SPACA1: variants seen among roughly 807,000 people sequenced by gnomAD.
SPACA1 encodes the protein sperm acrosome membrane-associated protein 1.
In SPACA1, 17 loss-of-function variants were observed where a neutral mutation model predicts 32.6. The ratio of observed to expected loss-of-function variants is 0.52; its 90% CI spans 0.36 to 0.78. The LOEUF (loss-of-function observed/expected upper bound fraction) is 0.78. Among genes scored for constraint, SPACA1 ranks in the 30% least tolerant of loss-of-function variants. The pLI, the probability that SPACA1 is intolerant of heterozygous loss-of-function variation, is 0.01. For missense variants in SPACA1, 363 were observed against 373.4 expected, an observed-to-expected ratio of 0.97 and a Z score of 0.23; for synonymous variants, 140 against 138.1, an observed-to-expected ratio of 1.01 and a Z score of -0.10.
At chr6:88,057,817 A>T (rs1043913702) in intron 3 of SPACA1, 104 bp downstream of exon 3, 2 of 791,484 alleles carry the variant, frequency 2.5e-6, no homozygotes, top group Non-Finnish European at 4.4e-6. Flanking sequence ...CAACCAGTTG[A>T]CATACTCAAA....
intron 1 of SPACA1, among the ~76,000 whole-genome samples, chr6:88,052,061 T>C (rs1313324441): frequency 6.6e-6 from 1 of 152,202 alleles, no homozygotes; most frequent in African/African-American, 2.4e-5. Context: ...ACAAGAAATT[T>C]TGACAAATGC....
intron 4 of SPACA1, among the ~76,000 whole-genome samples, chr6:88,059,026 A>G (rs912237068): frequency 1.3e-5 from 2 of 152,254 alleles, no homozygotes; most frequent in Admixed American, 1.3e-4. Context: ...GGCCAGCTAT[A>G]ATCAGAACTT....
intron 4 of SPACA1, 98 bp from the exon 5 acceptor site, chr6:88,059,355 G>C: frequency 9.1e-7 from 1 of 1,093,476 alleles, no homozygotes; most frequent in Non-Finnish European, 1.3e-6. Flanking sequence ...TAGGCTAAGA[G>C]AGACAGTAAC....
At chr6:88,050,870 C>T (rs1775717071) in intron 1 of SPACA1, among the ~76,000 whole-genome samples, 3 of 152,308 alleles carry the variant, frequency 2.0e-5, no homozygotes, top group Non-Finnish European at 4.4e-5. Flanking sequence ...AGATTTATGG[C>T]CAGGGGCGGT....
At chr6:88,050,887 C>T (rs879403389) in intron 1 of SPACA1, among the ~76,000 whole-genome samples, 6 of 152,214 alleles carry the variant, frequency 3.9e-5, no homozygotes, top group Non-Finnish European at 8.8e-5. Flanking sequence ...CGGTGGCTCA[C>T]GCCTGTAATC....
chr6:88,064,419 A>C, intron 6 of SPACA1, 200 bp downstream of exon 6: 7 of 345,814 alleles, frequency 2.0e-5, no homozygotes, highest in East Asian at 4.8e-5. Flanking sequence ...AAACAATCTC[A>C]TGACTTGCTT....
At chr6:88,061,189 C>G (rs2127801366) in intron 5 of SPACA1, among the ~76,000 whole-genome samples, 1 of 152,282 alleles carries the variant, frequency 6.6e-6, no homozygotes, top group African/African-American at 2.4e-5. Context: ...TATGGTTTCC[C>G]TAGTGAAAAA....
chr6:88,053,172 T>C (rs1475400788), intron 1 of SPACA1, among the ~76,000 whole-genome samples: 1 of 152,246 alleles, frequency 6.6e-6, no homozygotes, highest in Admixed American at 6.5e-5. Flanking sequence ...AAGCAGCTCT[T>C]TGGACTCCAG....
intron 6 of SPACA1, among the ~76,000 whole-genome samples, chr6:88,065,401 A>G (rs572320764): frequency 2.9e-3 from 433 of 147,546 alleles, no homozygotes; most frequent in African/African-American, 6.5e-3. Flanking sequence ...TATGACCTGT[A>G]TACAGTATAT....
In SPACA1 at chr6:88,056,720, G is replaced by A. The variant is rs376135111; in HGVS notation, c.266-892G>A. 3.9e-5 allele frequency among the ~76,000 whole-genome samples: 6 copies of A among 152,226 alleles called. No individual in the cohort carries two copies. In the East Asian group the frequency reaches 1.2e-3, roughly 29 times the overall value. The stretch of plus-strand genomic sequence containing the variant: ...CTGGAAGAGGAAATCTGGTAATTAA[G>A]GAAATAAAAATGGACTCTTTCTTAG... On this transcript the variant is annotated intron_variant, in intron 2 of 6. Coordinates refer to ENST00000237201, the MANE Select transcript of SPACA1 (RefSeq NM_030960.3).
At position 88,066,487 on chromosome 6, in the gene SPACA1, A is replaced by C; in HGVS notation, c.*152A>C. The C allele has an allele frequency of 1.7e-6, 1 of 581,358 alleles. No homozygotes were observed. Among genetic ancestry groups the C allele is most frequent in the Non-Finnish European group, 2.6e-6 (1 of 379,742 alleles). 36.0% of individuals were successfully genotyped at this position (581,358 alleles called of 1,614,324 possible). A position where few individuals can be genotyped will look rare whatever the true frequency, so the allele number is the denominator to read the frequency against. On this transcript the variant is annotated 3_prime_UTR_variant, in exon 7 of 7. Coordinates refer to ENST00000237201, the MANE Select transcript of SPACA1 (RefSeq NM_030960.3). ...AGTGTGGGGATAGGACTATTTTATC[A>C]GTGCATTTTTCCAGTACAGTTATCA... is the stretch of plus-strand genomic sequence containing the variant.
intron 6 of SPACA1, among the ~76,000 whole-genome samples, chr6:88,064,735 T>G (rs1301674830): frequency 1.3e-5 from 2 of 149,562 alleles, no homozygotes; most frequent in African/African-American, 4.9e-5. Flanking sequence ...TTTATATATA[T>G]GTACATATAT....
intron 5 of SPACA1, among the ~76,000 whole-genome samples, chr6:88,060,483 T>C (rs1271980001): frequency 1.3e-5 from 2 of 152,216 alleles, no homozygotes; most frequent in African/African-American, 4.8e-5. Flanking sequence ...AGTTTAAAGA[T>C]ACCGCACAAC....
chr6:88,047,646 A>C (rs1477534756), upstream of SPACA1: 14 of 388,032 alleles, frequency 3.6e-5, no homozygotes, highest in Non-Finnish European at 5.1e-5. Context: ...GTTGCGGGGA[A>C]GGGCGGCGTC....
Position 88,047,867 on chromosome 6 carries a change from C to G in SPACA1, c.-39C>G. The G allele has an allele frequency of 1.3e-6, 2 of 1,490,180 alleles. No individual in the cohort carries two copies. Among genetic ancestry groups the G allele is most frequent in the Non-Finnish European group, 1.8e-6 (2 of 1,117,464 alleles). The allele number at this position is 1,490,180 out of a possible 1,614,324, so 92.3% of individuals were successfully genotyped here. On this transcript the variant is annotated 5_prime_UTR_variant, in exon 1 of 7. Coordinates refer to ENST00000237201, the MANE Select transcript of SPACA1 (RefSeq NM_030960.3). ...ACGTACCTGTCCTCAGGAGCCGCGG[C>G]GGCGACTGCGCCTCGGACGGCCGTC...
intron 2 of SPACA1, among the ~76,000 whole-genome samples, chr6:88,057,010 T>C (rs981027642): frequency 1.3e-5 from 2 of 152,222 alleles, no homozygotes; most frequent in African/African-American, 4.8e-5. Flanking sequence ...AAATGTGATT[T>C]TTTATTTTCC....
intron 5 of SPACA1, 76 bp downstream of exon 5, chr6:88,059,664 A>G: frequency 7.1e-7 from 1 of 1,406,338 alleles, no homozygotes; most frequent in Non-Finnish European, 9.6e-7. Flanking sequence ...GAGGCTTGTT[A>G]AAACACCAGT....
intron 6 of SPACA1, 52 bp downstream of exon 6, chr6:88,064,271 C>T: frequency 6.4e-7 from 1 of 1,561,688 alleles, no homozygotes. Context: ...CCTCTTCTTC[C>T]CCCTCCTCAT....
In SPACA1 at chr6:88,059,468, G is replaced by A; in HGVS notation, c.490G>A (p.Val164Ile). The A allele has an allele frequency of 6.2e-7, 1 of 1,610,296 alleles. No homozygotes were observed. Among genetic ancestry groups the A allele is most frequent in the Non-Finnish European group, 8.5e-7 (1 of 1,178,406 alleles). The change falls in exon 5 of 7, where the codon GTA becomes ATA. Residue 164 changes from valine (V) to isoleucine (I), a missense_variant. Coordinates refer to ENST00000237201, the MANE Select transcript of SPACA1 (RefSeq NM_030960.3). Reference protein sequence around the residue: ...LRQDQQSIILVNDSAILEVRK... With the variant: ...LRQDQQSIILINDSAILEVRK... ...TTTTAAATAGCAATCCATTATACTTGTAAATGATTCAGCAATCCTAGAAGT... is the reference window on the plus strand; with the variant it reads ...TTTTAAATAGCAATCCATTATACTTATAAATGATTCAGCAATCCTAGAAGT...
Sources: allele counts gnomAD v4.1 joint callset (sites outside exome capture counted in the v4.1 genomes callset), GRCh38; gene constraint gnomAD v4.1.1; transcripts MANE v1.5; gene names NCBI Gene and HGNC (gene_info 2026-07-23, HGNC 2026-07-21).